Variants in CSMD1 observed in about 807,000 individuals in gnomAD.
The protein encoded by CSMD1 is CUB and sushi domain-containing protein 1.
CSMD1 carries 213 observed loss-of-function variants against 417.5 expected under a neutral mutation model. That is an observed-to-expected ratio of 0.51 (90% confidence interval 0.46 to 0.57). CSMD1 has a LOEUF of 0.57. CSMD1 is among the 20% of genes least tolerant of loss of function. CSMD1 has a pLI of 0.00. For synonymous variants in CSMD1, 2,862 were observed against 1,736.8 expected, an observed-to-expected ratio of 1.65 and a Z score of -16.11; for missense variants, 6,923 against 4,529.7, an observed-to-expected ratio of 1.53 and a Z score of -15.17.
intron 37 of CSMD1, among the ~76,000 whole-genome samples, chr8:3,177,090 T>C (rs1462341451): frequency 6.6e-6 from 1 of 152,116 alleles, no homozygotes; most frequent in East Asian, 1.9e-4. Flanking sequence ...GTGACCTCAT[T>C]TCTAAAGGAC....
intron 2 of CSMD1, among the ~76,000 whole-genome samples, chr8:4,531,524 A>C (rs1296912773): frequency 6.6e-6 from 1 of 152,144 alleles, no homozygotes; most frequent in East Asian, 1.9e-4. Flanking sequence ...ACACACCCCC[A>C]GAAGGTTGGA....
At chr8:4,178,273 A>AAC (rs1245132382) in intron 3 of CSMD1, among the ~76,000 whole-genome samples, 24 of 152,194 alleles carry the variant, frequency 1.6e-4, no homozygotes, top group Middle Eastern at 3.4e-3. Context: ...AGGCTGGTTC[A>AAC]ATATACGCAA....
chr8:4,225,462 A>G (rs576548447), intron 3 of CSMD1, among the ~76,000 whole-genome samples: 26 of 152,138 alleles, frequency 1.7e-4, no homozygotes, highest in African/African-American at 5.5e-4. Context: ...AAATAACAAT[A>G]AAATACAAAA....
At chr8:4,790,191 C>A (rs1196538951) in intron 1 of CSMD1, among the ~76,000 whole-genome samples, 20 of 152,192 alleles carry the variant, frequency 1.3e-4, no homozygotes, top group African/African-American at 2.4e-5. Flanking sequence ...TGTATCACAT[C>A]CAAGCTGAGA....
chr8:4,427,374 C>T (rs891725796), intron 2 of CSMD1, among the ~76,000 whole-genome samples: 9 of 152,118 alleles, frequency 5.9e-5, no homozygotes, highest in Non-Finnish European at 1.2e-4. Context: ...TGATCTGGAA[C>T]CAGGTGCTTT....
intron 3 of CSMD1, among the ~76,000 whole-genome samples, chr8:4,368,842 GTCT>G (rs1307850082): frequency 2.0e-5 from 3 of 151,870 alleles, no homozygotes; most frequent in African/African-American, 7.3e-5. Context: ...CTTTATTTGG[GTCT>G]TCTTAAAATT....
At chr8:2,987,355 T>A (rs1422228896) in intron 54 of CSMD1, among the ~76,000 whole-genome samples, 1 of 149,628 alleles carries the variant, frequency 6.7e-6, no homozygotes, top group Non-Finnish European at 1.5e-5. Context: ...TGTGTATACA[T>A]CATATATATA....
chr8:4,862,981 G>A (rs550835705), intron 1 of CSMD1, among the ~76,000 whole-genome samples: 5 of 152,074 alleles, frequency 3.3e-5, no homozygotes, highest in African/African-American at 1.2e-4. Flanking sequence ...TGCCCAAGAG[G>A]GAACCAGCAA....
rs149074987 is a variant in CSMD1 at position 4,153,749 on chromosome 8, G to C, written c.416-121650C>G. On this transcript the variant is annotated intron_variant, in intron 3 of 69. Coordinates refer to ENST00000635120, the MANE Select transcript of CSMD1 (RefSeq NM_033225.6). ...ATGCAGTGGGCACGGTTTCAGTGTG[G>C]TGACCCTGTGCTCTAAAACCCTTTG... is the stretch of plus-strand genomic sequence containing the variant. Among the ~76,000 whole-genome samples, 17 of 152,318 alleles carry C rather than the reference G, an allele frequency of 1.1e-4. No homozygotes were observed. The East Asian group carries it at 2.5e-3, about 23-fold the overall frequency.
chr8:3,273,623 C>G (rs997794242), intron 26 of CSMD1, among the ~76,000 whole-genome samples: 21 of 152,156 alleles, frequency 1.4e-4, no homozygotes, highest in Admixed American at 7.2e-4. Flanking sequence ...TGTTTTTGGT[C>G]TATTCAGAGA....
intron 2 of CSMD1, among the ~76,000 whole-genome samples, chr8:4,453,140 T>C (rs1799248398): frequency 6.6e-6 from 1 of 151,912 alleles, no homozygotes; most frequent in East Asian, 1.9e-4. Flanking sequence ...GTGTCACCAA[T>C]TTGAGGCAAA....
At chr8:3,228,455 C>T (rs556886322) in intron 27 of CSMD1, among the ~76,000 whole-genome samples, 18 of 152,212 alleles carry the variant, frequency 1.2e-4, no homozygotes, top group African/African-American at 4.3e-4. Context: ...CGCATGTAGG[C>T]GGGTCTGGTT....
chr8:4,671,522 G>T (rs1805324330), intron 1 of CSMD1, among the ~76,000 whole-genome samples: 1 of 152,106 alleles, frequency 6.6e-6, no homozygotes, highest in Non-Finnish European at 1.5e-5. Context: ...AGTGTGACTG[G>T]CCAGCTTCCA....
intron 3 of CSMD1, among the ~76,000 whole-genome samples, chr8:4,338,570 A>G (rs1346503973): frequency 6.6e-6 from 1 of 152,070 alleles, no homozygotes; most frequent in Non-Finnish European, 1.5e-5. Context: ...TCTGGGTTTG[A>G]TAACACCTCT....
chr8:4,769,223 T>C (rs191176830), intron 1 of CSMD1, among the ~76,000 whole-genome samples: 3 of 152,274 alleles, frequency 2.0e-5, no homozygotes, highest in East Asian at 3.9e-4. Context: ...TAAGATGAAA[T>C]GAAGAGATGC....
intron 3 of CSMD1, among the ~76,000 whole-genome samples, chr8:4,301,855 C>T (rs866230192): frequency 2.1e-5 from 3 of 144,634 alleles, no homozygotes; most frequent in Middle Eastern, 7.0e-3. Context: ...TTTCACCATT[C>T]TTCTGCCCAA....
Position 3,615,177 on chromosome 8 carries a change from A to T in CSMD1, c.1097+1533T>A, listed in dbSNP as rs138098009. Among the ~76,000 whole-genome samples the T allele has an allele frequency of 1.6e-4, 25 of 152,248 alleles. No homozygotes were observed. The East Asian group carries it at 4.8e-3, about 29-fold the overall frequency. ...CACTGCATTGCTAATAACTGTTCAC[A>T]ACCAACTCTTCCTCTGGAGAACTTC... On this transcript the variant is annotated intron_variant, in intron 8 of 69. Coordinates refer to ENST00000635120, the MANE Select transcript of CSMD1 (RefSeq NM_033225.6).
intron 20 of CSMD1, among the ~76,000 whole-genome samples, chr8:3,365,222 A>G (rs1809477404): frequency 6.6e-6 from 1 of 152,210 alleles, no homozygotes; most frequent in Non-Finnish European, 1.5e-5. Context: ...GATTACAACA[A>G]ATTTCCAAGA....
chr8:4,819,883 G>A (rs921611330), intron 1 of CSMD1, among the ~76,000 whole-genome samples: 5 of 151,920 alleles, frequency 3.3e-5, no homozygotes, highest in African/African-American at 1.2e-4. Flanking sequence ...AGAACTATCT[G>A]CCCTGTGGAC....
Sources: gnomAD v4.1 joint callset for allele counts (sites outside exome capture counted in the v4.1 genomes callset) on GRCh38, gnomAD v4.1.1 for gene constraint, MANE v1.5 for transcripts, NCBI Gene and HGNC (gene_info 2026-07-23, HGNC 2026-07-21) for gene names.